The following STAG1 variants were observed in gnomAD, a reference collection of about 807,000 sequenced individuals.
STAG1 encodes cohesin subunit SA-1.
In STAG1, 26 loss-of-function variants were observed where a neutral mutation model predicts 170.9. The ratio of observed to expected loss-of-function variants is 0.15; its 90% confidence interval spans 0.11 to 0.21. STAG1 has a LOEUF of 0.21. Ranked by LOEUF, STAG1 falls within the 10% of genes least tolerant of loss-of-function variation. STAG1 has a pLI of 1.00. For missense variants in STAG1, 964 were observed against 1,509.5 expected, an observed-to-expected ratio of 0.64 and a Z score of 5.99; for synonymous variants, 514 against 497.7, an observed-to-expected ratio of 1.03 and a Z score of -0.44.
intron 1 of STAG1, among the ~76,000 whole-genome samples, chr3:136,696,179 T>C (rs955873183): frequency 1.3e-5 from 2 of 152,154 alleles, no homozygotes; most frequent in Non-Finnish European, 2.9e-5. Flanking sequence ...AACTGGTAAG[T>C]GACAGCAGTA....
chr3:136,501,682 C>T (rs1933481051), intron 8 of STAG1, among the ~76,000 whole-genome samples: 1 of 152,120 alleles, frequency 6.6e-6, no homozygotes, highest in Non-Finnish European at 1.5e-5. Context: ...GGTACTTTGT[C>T]ACAGCAGCCC....
intron 7 of STAG1, among the ~76,000 whole-genome samples, chr3:136,513,281 C>G (rs996782821): frequency 2.6e-5 from 4 of 151,850 alleles, no homozygotes; most frequent in Admixed American, 6.6e-5. Flanking sequence ...CCCTTGAACC[C>G]AGGAGGCATA....
chr3:136,677,844 T>C (rs533184753), intron 1 of STAG1, among the ~76,000 whole-genome samples: 2 of 149,830 alleles, frequency 1.3e-5, no homozygotes, highest in East Asian at 3.9e-4. Flanking sequence ...GAGAAGGAAG[T>C]GAGATTAAAA....
Position 136,410,460 on chromosome 3 carries a change from T to C in STAG1, c.2196+7425A>G, listed in dbSNP as rs781673296. ...AGAAGGCAAGGATAAAGTGGAAGAG[T>C]AGTGCAAGCTACCACAAACAACACA... On this transcript the variant is annotated intron_variant, in intron 21 of 33. Coordinates refer to ENST00000383202, the MANE Select transcript of STAG1 (RefSeq NM_005862.3). Among the ~76,000 whole-genome samples, 21 of 151,334 alleles carry C rather than the reference T, an allele frequency of 1.4e-4. 1 individual carries two copies. Among genetic ancestry groups the C allele is most frequent in the African/African-American group, 9.7e-5 (4 of 41,136 alleles).
chr3:136,447,027 C>T (rs925770142), intron 14 of STAG1, among the ~76,000 whole-genome samples: 2 of 151,298 alleles, frequency 1.3e-5, no homozygotes, highest in Non-Finnish European at 2.9e-5. Context: ...TGGTCTCGAA[C>T]TCCTGACCTC....
intron 2 of STAG1, among the ~76,000 whole-genome samples, chr3:136,630,174 A>G (rs1405905883): frequency 2.6e-5 from 4 of 152,138 alleles, no homozygotes; most frequent in African/African-American, 9.7e-5. Context: ...CAGCATGGGC[A>G]ACAGTGGAAA....
intron 13 of STAG1, among the ~76,000 whole-genome samples, chr3:136,462,306 G>A (rs573724559): frequency 4.9e-4 from 74 of 152,186 alleles, no homozygotes; most frequent in East Asian, 3.9e-4. Context: ...GTTCACCAGC[G>A]TTTGAATGGA....
At chr3:136,643,794 C>G (rs930407346) in intron 1 of STAG1, among the ~76,000 whole-genome samples, 1 of 152,138 alleles carries the variant, frequency 6.6e-6, no homozygotes. Flanking sequence ...TAGGTATGAG[C>G]CACTGCGCCA....
chr3:136,484,316 G>T (rs923508112), intron 9 of STAG1, among the ~76,000 whole-genome samples: 18 of 150,866 alleles, frequency 1.2e-4, no homozygotes, highest in Admixed American at 2.0e-4. Flanking sequence ...CTCAGCTGCA[G>T]GTCTGTTGGA....
At position 136,642,264 on chromosome 3, in the gene STAG1, CTTTTTTTTT is replaced by C. The variant is rs10592920; in HGVS notation, c.-83-11292_-83-11284del. Among the ~76,000 whole-genome samples the C allele has an allele frequency of 1.1e-3, 94 of 84,944 alleles. 2 individuals carry two copies. Among genetic ancestry groups the C allele is most frequent in the African/African-American group, 2.8e-3 (66 of 23,978 alleles). 55.7% of individuals were successfully genotyped at this position (84,944 alleles called of 152,430 possible). A position where few individuals can be genotyped will look rare whatever the true frequency, so the allele number is the denominator to read the frequency against. ...ACGTACTGTGTAACAGACAGAATTT[CTTTTTTTTT>C]TTTTTTTTTTTTTTTTTTGAGACAT... is the stretch of plus-strand genomic sequence containing the variant. On this transcript the variant is annotated intron_variant, in intron 1 of 33. Coordinates refer to ENST00000383202, the MANE Select transcript of STAG1 (RefSeq NM_005862.3).
At chr3:136,376,026 T>C (rs1360461935) in intron 23 of STAG1, among the ~76,000 whole-genome samples, 5 of 137,314 alleles carry the variant, frequency 3.6e-5, no homozygotes, top group African/African-American at 1.5e-4. Context: ...CAAAATAAAA[T>C]AAAATAAAAT....
chr3:136,532,154 GACATT>G, intron 6 of STAG1, among the ~76,000 whole-genome samples: 1 of 152,108 alleles, frequency 6.6e-6, no homozygotes, highest in Middle Eastern at 3.4e-3. Context: ...TGAAAAATGA[GACATT>G]ACAACTGATA....
intron 23 of STAG1, among the ~76,000 whole-genome samples, chr3:136,375,231 C>G (rs72987450): frequency 0.012 from 1,772 of 152,224 alleles, 24 homozygotes; most frequent in African/African-American, 0.041. Context: ...AGCCTCCAAA[C>G]AAATTTAATT....
rs1352965317 is a variant in STAG1 at position 136,357,204 on chromosome 3, T to C, written c.3065+516A>G. The stretch of plus-strand genomic sequence containing the variant: ...ACCTTGTGATCCGCCCGTCTCGGCC[T>C]CCCAAAGTGCTGAGATTACAGGTGT... On this transcript the variant is annotated intron_variant, in intron 28 of 33. Transcript: ENST00000383202. Among the ~76,000 whole-genome samples, 3 of 152,272 alleles carry C rather than the reference T, an allele frequency of 2.0e-5. No homozygotes were observed. The East Asian group carries it at 5.8e-4, about 29-fold the overall frequency.
At chr3:136,514,033 G>A (rs568376832) in intron 7 of STAG1, among the ~76,000 whole-genome samples, 75 of 152,144 alleles carry the variant, frequency 4.9e-4, no homozygotes, top group Non-Finnish European at 3.2e-4. Flanking sequence ...ACAAGTTATG[G>A]CATAGTCATA....
intron 6 of STAG1, among the ~76,000 whole-genome samples, chr3:136,537,477 G>A (rs1439038439): frequency 6.7e-6 from 1 of 150,190 alleles, no homozygotes; most frequent in African/African-American, 2.4e-5. Flanking sequence ...AAGCCTAATA[G>A]TGTCTTTTTT....
chr3:136,512,409 G>A (rs1472525645), intron 7 of STAG1, among the ~76,000 whole-genome samples: 1 of 152,132 alleles, frequency 6.6e-6, no homozygotes, highest in African/African-American at 2.4e-5. Flanking sequence ...TCTGAAAATA[G>A]GAATATTATC....
chr3:136,562,585 ATTTCTTTT>A (rs1344779369), intron 5 of STAG1, among the ~76,000 whole-genome samples: 10 of 147,176 alleles, frequency 6.8e-5, no homozygotes, highest in Non-Finnish European at 1.2e-4. Context: ...AGTTTGAGTC[ATTTCTTTT>A]TTTCTTTTTT....
intron 7 of STAG1, among the ~76,000 whole-genome samples, chr3:136,520,817 T>A (rs1293037309): frequency 6.6e-6 from 1 of 152,172 alleles, no homozygotes; most frequent in Non-Finnish European, 1.5e-5. Flanking sequence ...AACAAGTATT[T>A]ACCCACTTAT....
Sources: allele counts gnomAD v4.1 joint callset (sites outside exome capture counted in the v4.1 genomes callset), GRCh38; gene constraint gnomAD v4.1.1; transcripts MANE v1.5; gene names NCBI Gene and HGNC (gene_info 2026-07-23, HGNC 2026-07-21).